Variants in ATP6AP2 observed in about 807,000 individuals in gnomAD.
ATP6AP2 encodes the protein renin receptor.
In ATP6AP2, 1 loss-of-function variant was observed where a neutral mutation model predicts 23.4. The observed-to-expected ratio is 0.04, with a 90% CI of 0.02 to 0.20. The LOEUF (loss-of-function observed/expected upper bound fraction) is 0.20. Ranked by LOEUF, ATP6AP2 falls within the 10% of genes least tolerant of loss-of-function variation. ATP6AP2 has a pLI of 1.00. For synonymous variants in ATP6AP2, 90 were observed against 97.1 expected (o/e 0.93, Z 0.43); for missense variants, 174 against 271.3 (o/e 0.64, Z 2.52).
chrX:40,600,878 A>G lies in ATP6AP2; in HGVS notation c.855A>G (p.Gln285=). The G allele has an allele frequency of 8.3e-7, 1 of 1,205,594 alleles. No homozygotes were observed. Among genetic ancestry groups the G allele is most frequent in the Non-Finnish European group, 1.1e-6 (1 of 892,737 alleles). Reference sequence around the variant, plus strand: ...CAAGGACTATCCTTGAGGCAAAACAAGCGGTGAGTATATTTTGAGATCCTG... The same window carrying G: ...CAAGGACTATCCTTGAGGCAAAACAGGCGGTGAGTATATTTTGAGATCCTG... The part of the protein sequence containing the change: ...RKTRTILEAK[Q]AKNPASPYNL... The change falls in exon 8 of 9, where the codon CAA becomes CAG. Residue 285 remains glutamine, a synonymous_variant. Transcript: ENST00000636580.
intron 3 of ATP6AP2, among the ~76,000 whole-genome samples, chrX:40,594,594 G>A (rs1268066346): frequency 1.8e-5 from 2 of 112,708 alleles, no homozygotes; most frequent in Non-Finnish European, 3.7e-5. Context: ...TGGGGCAGTG[G>A]TTGGTGATGT....
At chrX:40,583,281 C>T (rs1292602979) in intron 1 of ATP6AP2, among the ~76,000 whole-genome samples, 5 of 111,362 alleles carry the variant, frequency 4.5e-5, no homozygotes, top group African/African-American at 1.3e-4. Context: ...CATTCGTAGA[C>T]GATAATAGCA....
intron 3 of ATP6AP2, chrX:40,592,480 C>T (rs1039611202): frequency 9.2e-6 from 1 of 109,003 alleles, no homozygotes; most frequent in Non-Finnish European, 1.9e-5. Flanking sequence ...TAGCAAGACC[C>T]TATCTCTAGG....
chrX:40,589,169 G>T (rs1041523266), intron 2 of ATP6AP2, 53 bp downstream of exon 2: 3 of 1,167,742 alleles, frequency 2.6e-6, no homozygotes, highest in African/African-American at 1.8e-5. Context: ...CATTTTTACT[G>T]ATTTCTGCTA....
At position 40,591,307 on chromosome X, in the gene ATP6AP2, A is replaced by G; in HGVS notation, c.242A>G (p.Lys81Arg). Reference sequence around the variant, plus strand: ...CGGGCTACCGTCATGGTGATGGTGAAGGGAGTGAACAAACTGGCTCTACCC... The same window carrying G: ...CGGGCTACCGTCATGGTGATGGTGAGGGGAGTGAACAAACTGGCTCTACCC... Reference protein sequence around the residue: ...RPRATVMVMVKGVNKLALPPG... With the variant: ...RPRATVMVMVRGVNKLALPPG... Residue 81 changes from lysine (K) to arginine (R), a missense_variant, in exon 3 of 9, where the codon AAG (lysine) becomes AGG (arginine). By Grantham distance (26) the Lys-to-Arg change is conservative. Transcript: ENST00000636580. 2.5e-6 allele frequency: 3 copies of G among 1,211,036 alleles called. No homozygotes were observed. Among genetic ancestry groups the G allele is most frequent in the Non-Finnish European group, 3.4e-6 (3 of 895,098 alleles).
chrX:40,589,167 C>T, intron 2 of ATP6AP2, 51 bp downstream of exon 2: 1 of 1,166,053 alleles, frequency 8.6e-7, no homozygotes. Flanking sequence ...AACATTTTTA[C>T]TGATTTCTGC....
chrX:40,587,912 A>G (rs1926519025), intron 1 of ATP6AP2, among the ~76,000 whole-genome samples: 3 of 112,947 alleles, frequency 2.7e-5, no homozygotes, highest in Non-Finnish European at 5.6e-5. Context: ...CCTTAAATGT[A>G]AACAACCAAT....
intron 6 of ATP6AP2, chrX:40,599,319 G>A (rs1456934740): frequency 3.0e-6 from 1 of 335,307 alleles, no homozygotes; most frequent in East Asian, 6.0e-5. Context: ...CCATACCTGA[G>A]TTTTTAAAAC....
At chrX:40,592,970 C>T (rs113141445) in intron 3 of ATP6AP2, among the ~76,000 whole-genome samples, 3,590 of 111,590 alleles carry the variant, frequency 0.032, 72 homozygotes, top group South Asian at 0.069. Context: ...ATTTGGAGCC[C>T]GGCACCATGG....
At chrX:40,599,787 T>G (rs763154205) in intron 7 of ATP6AP2, 46 bp downstream of exon 7, 2 of 1,193,538 alleles carry the variant, frequency 1.7e-6, no homozygotes, top group African/African-American at 1.8e-5. Context: ...ACCATTTCAC[T>G]TTTAGCCTCT....
At chrX:40,596,921 C>T (rs1926788212) in intron 3 of ATP6AP2, 2 of 183,738 alleles carry the variant, frequency 1.1e-5, no homozygotes, top group Non-Finnish European at 2.0e-5. Context: ...CATCGTGGCA[C>T]ATTTAGTCAA....
At chrX:40,605,232 G>T in intron 8 of ATP6AP2, 1 of 216,126 alleles carries the variant, frequency 4.6e-6, no homozygotes, top group Non-Finnish European at 8.4e-6. Context: ...GCCCAGCCTT[G>T]CTGCTGATAT....
At chrX:40,597,161 T>C (rs1368349554) in intron 3 of ATP6AP2, 88 bp from the exon 4 acceptor site, 9 of 758,063 alleles carry the variant, frequency 1.2e-5, no homozygotes, top group Non-Finnish European at 1.6e-5. Flanking sequence ...TGGAAAAAAG[T>C]TTAAGGCTTC....
At chrX:40,601,808 C>T (rs1926913262) in intron 8 of ATP6AP2, among the ~76,000 whole-genome samples, 1 of 111,705 alleles carries the variant, frequency 9.0e-6, no homozygotes, top group African/African-American at 3.3e-5. Flanking sequence ...GTCGGAAGGT[C>T]GAAGCCAGTG....
At chrX:40,583,903 A>AT (rs1354130396) in intron 1 of ATP6AP2, among the ~76,000 whole-genome samples, 6 of 111,274 alleles carry the variant, frequency 5.4e-5, no homozygotes, top group Non-Finnish European at 1.1e-4. Context: ...AAGATGGTGA[A>AT]TTGGGTGTGT....
In ATP6AP2 at chrX:40,597,252, G is replaced by A; in HGVS notation, c.304G>A (p.Val102Ile). 22 of 1,194,902 alleles carry A rather than the reference G, an allele frequency of 1.8e-5. No individual in the cohort carries two copies. The highest frequency in any genetic ancestry group is 2.5e-5 in the Non-Finnish European group (22 of 880,317). The change falls in exon 4 of 9, where the codon GTT (valine) becomes ATT (isoleucine). Residue 102 changes from valine (V) to isoleucine (I), a missense_variant. Coordinates refer to ENST00000636580, the MANE Select transcript of ATP6AP2 (RefSeq NM_005765.3). The part of the protein sequence containing the change: ...SVISYPLENA[V>I]PFSLDSVANS... ...CGTTCTTACTCTTAAATTTCAGGCAGTTCCTTTTAGTCTTGACAGTGTTGC... is the reference window on the plus strand; with the variant it reads ...CGTTCTTACTCTTAAATTTCAGGCAATTCCTTTTAGTCTTGACAGTGTTGC...
intron 3 of ATP6AP2, among the ~76,000 whole-genome samples, chrX:40,596,558 A>G (rs1423205287): frequency 9.0e-6 from 1 of 111,610 alleles, no homozygotes; most frequent in East Asian, 2.8e-4. Context: ...ACCTGAGTGC[A>G]TGCATGTGTA....
At chrX:40,586,253 C>G (rs1433422615) in intron 1 of ATP6AP2, among the ~76,000 whole-genome samples, 5 of 111,667 alleles carry the variant, frequency 4.5e-5, no homozygotes, top group Non-Finnish European at 7.5e-5. Flanking sequence ...ATAGGGCCAT[C>G]TTTTGATGGC....
At chrX:40,585,430 T>G (rs758186229) in intron 1 of ATP6AP2, among the ~76,000 whole-genome samples, 88 of 111,594 alleles carry the variant, frequency 7.9e-4, no homozygotes, top group Middle Eastern at 9.2e-3. Flanking sequence ...CGTGGCTGCA[T>G]GAAGACCAAA....
Sources: gnomAD v4.1 joint callset for allele counts (sites outside exome capture counted in the v4.1 genomes callset) on GRCh38, gnomAD v4.1.1 for gene constraint, MANE v1.5 for transcripts, NCBI Gene and HGNC (gene_info 2026-07-23, HGNC 2026-07-21) for gene names.